The following PTPRG variants were observed in gnomAD, a reference collection of about 807,000 sequenced individuals.
PTPRG encodes protein tyrosine phosphatase receptor type G, also known as receptor-type tyrosine-protein phosphatase gamma.
PTPRG carries 102 observed loss-of-function variants against 165.3 expected under a neutral mutation model. The ratio of observed to expected loss-of-function variants is 0.62; its 90% confidence interval spans 0.53 to 0.73. The LOEUF (loss-of-function observed/expected upper bound fraction) is 0.73. PTPRG is among the 30% of genes least tolerant of loss of function. The pLI is 0.00. For missense variants in PTPRG, 1,866 were observed against 1,861.4 expected (o/e 1.00, Z -0.05); for synonymous variants, 675 against 669.5 (o/e 1.01, Z -0.13).
At chr3:61,880,770 G>C (rs139451616) in intron 2 of PTPRG, among the ~76,000 whole-genome samples, 91 of 152,266 alleles carry the variant, frequency 6.0e-4, no homozygotes, top group African/African-American at 2.1e-3. Flanking sequence ...AAGAGGGGGA[G>C]ACTTGATTGA....
intron 2 of PTPRG, among the ~76,000 whole-genome samples, chr3:61,943,214 T>G (rs900017809): frequency 2.6e-5 from 4 of 151,940 alleles, no homozygotes; most frequent in Non-Finnish European, 4.4e-5. Flanking sequence ...AGTTCTGGAG[T>G]TTTTGGTCTA....
chr3:62,018,389 T>TTG (rs1342005519), intron 4 of PTPRG, among the ~76,000 whole-genome samples: 1 of 152,218 alleles, frequency 6.6e-6, no homozygotes, highest in Non-Finnish European at 1.5e-5. Flanking sequence ...TCCATTGTGC[T>TTG]CAATCTCACC....
At chr3:61,996,557 TTGGCATTGTTTA>T (rs2041044767) in intron 3 of PTPRG, among the ~76,000 whole-genome samples, 1 of 152,206 alleles carries the variant, frequency 6.6e-6, no homozygotes, top group Non-Finnish European at 1.5e-5. Context: ...ATCTGGGCCC[TTGGCATTGTTTA>T]TATTGGGCGT....
chr3:61,853,151 GA>G, intron 2 of PTPRG, among the ~76,000 whole-genome samples: 1 of 152,276 alleles, frequency 6.6e-6, no homozygotes, highest in South Asian at 2.1e-4. Context: ...GTTGTATGAT[GA>G]TAAGTTCTAA....
intron 5 of PTPRG, 64 bp downstream of exon 5, chr3:62,078,322 T>A: frequency 8.6e-7 from 1 of 1,163,190 alleles, no homozygotes; most frequent in Non-Finnish European, 1.2e-6. Flanking sequence ...ATTTGCCGAA[T>A]TGTTCCATGT....
At chr3:62,264,257 GA>G (rs1170654341) in intron 17 of PTPRG, 4 of 152,006 alleles carry the variant, frequency 2.6e-5, no homozygotes. Flanking sequence ...AGGTTGTTGT[GA>G]ACCAAGATTG....
chr3:62,275,379 A>G (rs948575685), intron 23 of PTPRG, among the ~76,000 whole-genome samples: 2 of 152,188 alleles, frequency 1.3e-5, no homozygotes, highest in African/African-American at 4.8e-5. Flanking sequence ...AATTCACAGC[A>G]GCAGTGACAT....
In PTPRG at chr3:62,195,378, A is replaced by G. The variant is rs182555353; in HGVS notation, c.1327+208A>G. On this transcript the variant is annotated intron_variant, in intron 10 of 29. Coordinates refer to ENST00000474889, the MANE Select transcript of PTPRG (RefSeq NM_002841.4). The surrounding 1 kb of genome is among the most constrained non-coding windows in gnomAD (Gnocchi z 4.4). The stretch of plus-strand genomic sequence containing the variant: ...TCGGCAGAAGAGGGGAGAAAAAACA[A>G]AACATTTTTGATTGTTTTATTGTTA... Among the ~76,000 whole-genome samples the G allele has an allele frequency of 2.7e-3, 405 of 152,274 alleles. 1 individual carries two copies. The highest frequency in any genetic ancestry group is 3.4e-3 in the Non-Finnish European group (231 of 68,026).
chr3:61,605,538 G>A (rs558660387), intron 1 of PTPRG, among the ~76,000 whole-genome samples: 1 of 151,396 alleles, frequency 6.6e-6, no homozygotes, highest in African/African-American at 2.4e-5. Context: ...TTACAGGTGT[G>A]AGCCACCACA....
chr3:62,155,894 G>A (rs778772739), intron 6 of PTPRG, among the ~76,000 whole-genome samples: 1 of 152,112 alleles, frequency 6.6e-6, no homozygotes, highest in African/African-American at 2.4e-5. Context: ...CCCTGTTCCC[G>A]GGGCTGGTGG....
intron 4 of PTPRG, among the ~76,000 whole-genome samples, chr3:62,070,065 G>T (rs2106724401): frequency 6.6e-6 from 1 of 152,230 alleles, no homozygotes; most frequent in Admixed American, 6.5e-5. Flanking sequence ...GAGTGTTTGT[G>T]TTATGTATTT....
intron 9 of PTPRG, among the ~76,000 whole-genome samples, chr3:62,194,555 C>T (rs1028781087): frequency 2.6e-5 from 4 of 152,170 alleles, no homozygotes; most frequent in Admixed American, 6.5e-5. Flanking sequence ...GGGTGGCTCA[C>T]GCCTGCAATC....
At chr3:61,852,225 A>G (rs1330894416) in intron 2 of PTPRG, among the ~76,000 whole-genome samples, 1 of 152,136 alleles carries the variant, frequency 6.6e-6, no homozygotes, top group African/African-American at 2.4e-5. Flanking sequence ...TAATCTTTGA[A>G]AAGGAGACAT....
At chr3:61,652,738 A>C (rs1702390363) in intron 1 of PTPRG, among the ~76,000 whole-genome samples, 1 of 152,114 alleles carries the variant, frequency 6.6e-6, no homozygotes. Flanking sequence ...TCTTCTGTGC[A>C]TTGTAGGATG....
intron 2 of PTPRG, among the ~76,000 whole-genome samples, chr3:61,812,202 A>ATT (rs968674056): frequency 6.7e-6 from 1 of 148,408 alleles, no homozygotes; most frequent in African/African-American, 2.5e-5. Flanking sequence ...TCTACAGTTG[A>ATT]TTGTGTGTGT....
intron 1 of PTPRG, among the ~76,000 whole-genome samples, chr3:61,684,248 A>T (rs1460573424): frequency 6.6e-6 from 1 of 151,942 alleles, no homozygotes; most frequent in African/African-American, 2.4e-5. Flanking sequence ...ATGGTGGGGG[A>T]TCTCACCTTT....
At chr3:62,183,329 C>G (rs746949803) in intron 8 of PTPRG, among the ~76,000 whole-genome samples, 1 of 152,046 alleles carries the variant, frequency 6.6e-6, no homozygotes, top group Non-Finnish European at 1.5e-5. Context: ...TTTGAGAGGC[C>G]GAAGTGGGTG....
At chr3:62,096,983 G>A (rs1018532890) in intron 5 of PTPRG, among the ~76,000 whole-genome samples, 4 of 152,156 alleles carry the variant, frequency 2.6e-5, no homozygotes, top group African/African-American at 9.7e-5. Context: ...TTAGAAATAT[G>A]AAGCAAAAAT....
At chr3:62,238,691 C>T (rs1356244794) in intron 14 of PTPRG, among the ~76,000 whole-genome samples, 2 of 152,072 alleles carry the variant, frequency 1.3e-5, no homozygotes, top group Non-Finnish European at 1.5e-5. Context: ...CTTACCCTGC[C>T]TGGGTATTCT....
Sources: allele counts gnomAD v4.1 joint callset (sites outside exome capture counted in the v4.1 genomes callset), GRCh38; gene constraint gnomAD v4.1.1; non-coding constraint Gnocchi (gnomAD v3.1); transcripts MANE v1.5; gene names NCBI Gene and HGNC (gene_info 2026-07-23, HGNC 2026-07-21).